The following PSCA variants were observed in gnomAD, a reference collection of about 807,000 sequenced individuals.
The protein encoded by PSCA is prostate stem cell antigen.
A neutral mutation model predicts 7.9 loss-of-function variants in PSCA; 7 were observed. That is an observed-to-expected ratio of 0.89 (90% CI 0.51 to 1.67). The LOEUF (loss-of-function observed/expected upper bound fraction) is 1.67. PSCA is among the 40% of genes most tolerant of loss of function. PSCA has a pLI of 0.00. For missense variants in PSCA, 151 were observed against 147.9 expected (o/e 1.02, Z -0.11); for synonymous variants, 61 against 68.3 (o/e 0.89, Z 0.53).
At chr8:142,677,413 C>T (rs142345375), upstream of PSCA, among the ~76,000 whole-genome samples, 3 of 152,320 alleles carry the variant, frequency 2.0e-5, no homozygotes, top group East Asian at 5.8e-4. Context: ...CCAGACATCA[C>T]CAAACATTCC....
chr8:142,681,976 T>TCACAGGACTACTACGTGGGC lies in PSCA; in HGVS notation c.189_190insCACAGGACTACTACGTGGGC (p.Asp64HisfsTer196), dbSNP rs1814654066. 1.2e-6 allele frequency: 2 copies of TCACAGGACTACTACGTGGGC among 1,606,020 alleles called. No homozygotes were observed. The highest frequency in any genetic ancestry group is 2.7e-5 in the African/African-American group (2 of 74,856). On this transcript the variant is annotated frameshift_variant, in exon 3 of 3. Coordinates refer to ENST00000301258, the MANE Select transcript of PSCA (RefSeq NM_005672.5). LOFTEE classifies it low-confidence loss of function (END_TRUNC). ...AAGGCTGCAGCTTGAACTGCGTGGA[T>TCACAGGACTACTACGTGGGC]GACTCACAGGACTACTACGTGGGCA... is the stretch of plus-strand genomic sequence containing the variant.
Position 142,680,523 on chromosome 8 carries a change from G to A in PSCA, c.-16G>A. 2 of 1,553,730 alleles carry A rather than the reference G, an allele frequency of 1.3e-6. No individual in the cohort carries two copies. Among genetic ancestry groups the A allele is most frequent in the South Asian group, 1.2e-5 (1 of 84,134 alleles). ...GCCCACCAGTGACCACGAAGGCTGT[G>A]CTGCTTGCCCTGTTGATGGCAGGCT... On this transcript the variant is annotated 5_prime_UTR_variant, in exon 1 of 3. Transcript: ENST00000301258.
chr8:142,681,518 G>A (rs1814635123), intron 2 of PSCA, 84 bp downstream of exon 2: 4 of 1,256,586 alleles, frequency 3.2e-6, no homozygotes, highest in Non-Finnish European at 3.4e-6. Flanking sequence ...GCATCTGTGT[G>A]CTGTTTTCCT....
chr8:142,677,112 G>C (rs374721421), upstream of PSCA, among the ~76,000 whole-genome samples: 12 of 152,226 alleles, frequency 7.9e-5, no homozygotes, highest in African/African-American at 2.9e-4. Context: ...CGTAACCAGG[G>C]CTCGTTAGGT....
chr8:142,672,274 C>T (rs1021403001), intron 1 of PSCA, among the ~76,000 whole-genome samples: 4 of 123,344 alleles, frequency 3.2e-5, no homozygotes, highest in Non-Finnish European at 5.5e-5. Flanking sequence ...TCCAACTGCC[C>T]TCCCCAATCC....
rs1474037570 is a variant in PSCA at position 142,673,787 on chromosome 8, A to T, written n.261+3219A>T. 2.0e-5 allele frequency among the ~76,000 whole-genome samples: 3 copies of T among 152,230 alleles called. No individual in the cohort carries two copies. Among genetic ancestry groups the T allele is most frequent in the African/African-American group, 7.2e-5 (3 of 41,464 alleles). ...TCGCTAGAGCCATCCATCAGTCATT[A>T]GACGTGCAAAAACCTGAAACGACAT... On this transcript the variant is annotated intron_variant and non_coding_transcript_variant, in intron 1 of 1. Coordinates refer to the PSCA transcript ENST00000505305. The surrounding 1 kb of genome is among the most constrained non-coding windows in gnomAD (Gnocchi z 4.6).
Position 142,681,366 on chromosome 8 carries a change from G to A in PSCA, c.65G>A (p.Ser22Asn), listed in dbSNP as rs587635856. The A allele has an allele frequency of 1.0e-5, 16 of 1,584,568 alleles. No homozygotes were observed. Among genetic ancestry groups the A allele is most frequent in the Admixed American group, 5.4e-5 (3 of 55,884 alleles). Residue 22 changes from serine (S) to asparagine (N), a missense_variant, in exon 2 of 3, where the codon AGC (serine) becomes AAC (asparagine). Ser to Asn is a conservative substitution (Grantham distance 46). Coordinates refer to ENST00000301258, the MANE Select transcript of PSCA (RefSeq NM_005672.5). ...TGCTACTCCTGCAAAGCCCAGGTGA[G>A]CAACGAGGACTGCCTGCAGGTGGAG... ...LLCYSCKAQV[S>N]NEDCLQVENC...
Position 142,682,592 on chromosome 8 carries a change from G to C in PSCA, c.*460G>C, listed in dbSNP as rs782483973. ...GTAGAACTGGAGGACAGGAGTCGAC[G>C]TGAGTTCCTGGGAGTCTCCAGAGAT... On this transcript the variant is annotated 3_prime_UTR_variant, in exon 3 of 3. Transcript: ENST00000301258. 1.4e-5 allele frequency: 5 copies of C among 370,296 alleles called. No homozygotes were observed. The highest frequency in any genetic ancestry group is 2.7e-5 in the Non-Finnish European group (5 of 183,782). 22.9% of individuals were successfully genotyped at this position (370,296 alleles called of 1,614,324 possible). A position where few individuals can be genotyped will look rare whatever the true frequency, so the allele number is the denominator to read the frequency against.
upstream of PSCA, among the ~76,000 whole-genome samples, chr8:142,676,988 C>T (rs1213646289): frequency 6.6e-6 from 1 of 152,218 alleles, no homozygotes; most frequent in African/African-American, 2.4e-5. Flanking sequence ...TGACAGGGGA[C>T]AGGGATTCGC....
intron 2 of PSCA, 200 bp from the exon 3 acceptor site, chr8:142,681,721 A>G (rs1814641524): frequency 1.6e-6 from 1 of 607,018 alleles, no homozygotes; most frequent in Admixed American, 2.9e-5. Context: ...TCTGACGCTC[A>G]GCGGGTGGTC....
At chr8:142,678,080 C>T (rs1847418868), upstream of PSCA, among the ~76,000 whole-genome samples, 1 of 152,176 alleles carries the variant, frequency 6.6e-6, no homozygotes, top group South Asian at 2.1e-4. Context: ...GTCCCCTGAA[C>T]ACCCCAGAAA....
rs1847355416 is a variant in PSCA at position 142,673,199 on chromosome 8, C to G, written n.261+2631C>G. ...GAAAACCTTACTGAGGACTTCCTTA[C>G]CCTCACTATCTGCCTAAATAATTTA... is the stretch of plus-strand genomic sequence containing the variant. On this transcript the variant is annotated intron_variant and non_coding_transcript_variant, in intron 1 of 1. Coordinates refer to the PSCA transcript ENST00000505305. The surrounding 1 kb of genome is among the most constrained non-coding windows in gnomAD (Gnocchi z 4.6). 6.6e-6 allele frequency among the ~76,000 whole-genome samples: 1 copy of G among 152,212 alleles called. No individual in the cohort carries two copies. Among genetic ancestry groups the G allele is most frequent in the Non-Finnish European group, 1.5e-5 (1 of 68,030 alleles).
rs782032385 is a variant in PSCA at position 142,681,422 on chromosome 8, A to AC, written c.123dup (p.Ala42ArgfsTer23). ...CACCCAGCTGGGGGAGCAGTGCTGG[A>AC]CCGCGCGCATCCGTGAGTGGGGGGA... On this transcript the variant is annotated frameshift_variant, in exon 2 of 3. Transcript: ENST00000301258. LOFTEE classifies it low-confidence loss of function (END_TRUNC). 24 of 1,589,586 alleles carry AC rather than the reference A, an allele frequency of 1.5e-5. No individual in the cohort carries two copies. In the South Asian group the frequency reaches 2.3e-4, roughly 15 times the overall value.
intron 1 of PSCA, chr8:142,681,041 G>A (rs921319903): frequency 5.7e-5 from 28 of 487,274 alleles, no homozygotes; most frequent in Non-Finnish European, 9.0e-5. Flanking sequence ...TCTGCTTGAG[G>A]TGGGACCCTC....
chr8:142,680,254 C>CTT (rs1554638149), upstream of PSCA: 3 of 507,976 alleles, frequency 5.9e-6, no homozygotes, highest in African/African-American at 5.7e-5. Flanking sequence ...TAATCTGGGT[C>CTT]TTGAGGACGT....
At chr8:142,674,455 G>T (rs1847373707) in intron 1 of PSCA, among the ~76,000 whole-genome samples, 1 of 152,236 alleles carries the variant, frequency 6.6e-6, no homozygotes, top group South Asian at 2.1e-4. Context: ...GCAGAGCGCA[G>T]ATCCCCTCAT....
At position 142,681,411 on chromosome 8, in the gene PSCA, A is replaced by G; in HGVS notation, c.110A>G (p.Glu37Gly). 1 of 1,592,742 alleles carries G rather than the reference A, an allele frequency of 6.3e-7. No individual in the cohort carries two copies. Among genetic ancestry groups the G allele is most frequent in the Non-Finnish European group, 8.5e-7 (1 of 1,170,028 alleles). ...GTGGAGAACTGCACCCAGCTGGGGGAGCAGTGCTGGACCGCGCGCATCCGT... is the reference window on the plus strand; with the variant it reads ...GTGGAGAACTGCACCCAGCTGGGGGGGCAGTGCTGGACCGCGCGCATCCGT... ...LQVENCTQLGEQCWTARIRAV... is the reference protein window; with the variant it reads ...LQVENCTQLGGQCWTARIRAV... Residue 37 changes from glutamate to glycine, a missense_variant, in exon 2 of 3, where the codon GAG (glutamate) becomes GGG (glycine). Transcript: ENST00000301258.
At chr8:142,680,884 G>C in intron 1 of PSCA, 1 of 542,438 alleles carries the variant, frequency 1.8e-6, no homozygotes, top group Middle Eastern at 4.9e-4. Context: ...CTGATGAGGA[G>C]CTGGGAGACA....
chr8:142,681,339 T>G lies in PSCA; in HGVS notation c.38T>G (p.Leu13Arg). 6.4e-7 allele frequency: 1 copy of G among 1,564,960 alleles called. No homozygotes were observed. Among genetic ancestry groups the G allele is most frequent in the South Asian group, 1.2e-5 (1 of 84,858 alleles). The change falls in exon 2 of 3, where the codon CTG (leucine) becomes CGG (arginine). Residue 13 changes from leucine to arginine, a missense_variant. Coordinates refer to ENST00000301258, the MANE Select transcript of PSCA (RefSeq NM_005672.5). Reference sequence around the variant, plus strand: ...CTCCACCCCACAGGCACTGCCCTGCTGTGCTACTCCTGCAAAGCCCAGGTG... The same window carrying G: ...CTCCACCCCACAGGCACTGCCCTGCGGTGCTACTCCTGCAAAGCCCAGGTG... ...GLALQPGTAL[L>R]CYSCKAQVSN... is the part of the protein sequence containing the mutation.
Sources: gnomAD v4.1 joint callset for allele counts (sites outside exome capture counted in the v4.1 genomes callset) on GRCh38, gnomAD v4.1.1 for gene constraint, Gnocchi (gnomAD v3.1) non-coding constraint, MANE v1.5 for transcripts, NCBI Gene and HGNC (gene_info 2026-07-23, HGNC 2026-07-21) for gene names.